Variants in YPEL2 observed in about 807,000 individuals in gnomAD.
YPEL2 encodes the protein yippee like 2.
In YPEL2, 2 loss-of-function variants were observed where a neutral mutation model predicts 19.1. That is an observed-to-expected ratio of 0.10 (90% CI 0.04 to 0.33). The LOEUF (loss-of-function observed/expected upper bound fraction) is 0.33. Ranked by LOEUF, YPEL2 falls within the 10% of genes least tolerant of loss-of-function variation. The pLI is 1.00. For missense variants in YPEL2, 66 were observed against 140.7 expected (o/e 0.47, Z 2.68); for synonymous variants, 52 against 50.0 (o/e 1.04, Z -0.17).
At chr17:59,358,702 C>T (rs2147942584) in intron 2 of YPEL2, among the ~76,000 whole-genome samples, 1 of 152,198 alleles carries the variant, frequency 6.6e-6, no homozygotes, top group South Asian at 2.1e-4. Flanking sequence ...CTCTGCCTCC[C>T]AGGTTCAAGC....
At chr17:59,393,681 C>T (rs1407343216) in intron 4 of YPEL2, among the ~76,000 whole-genome samples, 1 of 146,916 alleles carries the variant, frequency 6.8e-6, no homozygotes, top group East Asian at 2.0e-4. Flanking sequence ...TGTTTGTGTC[C>T]CTGGGTACTT....
rs2048044628 is a variant in YPEL2, at chr17:59,397,283, A to G, written c.*93A>G. ...GAGAGAGTGACTGACACTTGGTTCC[A>G]TCCATTTAGGGGCCTTGCCATCCGG... On this transcript the variant is annotated 3_prime_UTR_variant, in exon 5 of 5. Transcript: ENST00000312655. 8 of 1,050,608 alleles carry G rather than the reference A, an allele frequency of 7.6e-6. No individual in the cohort carries two copies. Among genetic ancestry groups the G allele is most frequent in the Non-Finnish European group, 1.1e-5 (8 of 744,482 alleles). 65.1% of individuals were successfully genotyped at this position (1,050,608 alleles called of 1,614,324 possible). A position where few individuals can be genotyped will look rare whatever the true frequency, so the allele number is the denominator to read the frequency against.
At chr17:59,336,900 T>C (rs2047701246) in intron 1 of YPEL2, among the ~76,000 whole-genome samples, 1 of 152,202 alleles carries the variant, frequency 6.6e-6, no homozygotes, top group East Asian at 1.9e-4. Flanking sequence ...CTGGAAGAAG[T>C]AACAGTTACA....
intron 1 of YPEL2, among the ~76,000 whole-genome samples, chr17:59,332,664 G>T (rs966428886): frequency 6.6e-6 from 1 of 152,194 alleles, no homozygotes; most frequent in Non-Finnish European, 1.5e-5. Flanking sequence ...TTCTTGTCCG[G>T]AAGATTGCTA....
chr17:59,361,624 G>A (rs571635403), intron 2 of YPEL2, among the ~76,000 whole-genome samples: 3 of 152,298 alleles, frequency 2.0e-5, no homozygotes, highest in African/African-American at 7.2e-5. Flanking sequence ...TTATCAGTGA[G>A]TTTCAATCTG....
chr17:59,398,712 T>C lies in YPEL2; in HGVS notation c.*1522T>C, dbSNP rs2048054102. The C allele has an allele frequency of 1.3e-5, 2 of 152,222 alleles. No individual in the cohort carries two copies. Among genetic ancestry groups the C allele is most frequent in the South Asian group, 4.1e-4 (2 of 4,834 alleles). 9.4% of individuals were successfully genotyped at this position (152,222 alleles called of 1,614,324 possible). ...TTCATTTCTTAGACTGAATATATTA[T>C]TGTTAAGATACGTGTGCGTGTTAGG... is the stretch of plus-strand genomic sequence containing the variant. On this transcript the variant is annotated 3_prime_UTR_variant, in exon 5 of 5. Transcript: ENST00000312655.
rs548587672 is a variant in YPEL2 at position 59,378,106 on chromosome 17, C to T, written c.118-10221C>T. Reference sequence around the variant, plus strand: ...TCCAGGCCCTCTCAGGCTCCAAAGCCGGCATCCTTTCCCTTGAACATCAGG... The same window carrying T: ...TCCAGGCCCTCTCAGGCTCCAAAGCTGGCATCCTTTCCCTTGAACATCAGG... On this transcript the variant is annotated intron_variant, in intron 2 of 4. Transcript: ENST00000312655. 5.9e-5 allele frequency among the ~76,000 whole-genome samples: 9 copies of T among 152,146 alleles called. No homozygotes were observed. The South Asian group carries it at 1.2e-3, about 21-fold the overall frequency.
intron 4 of YPEL2, among the ~76,000 whole-genome samples, chr17:59,394,937 A>G (rs1472449938): frequency 1.3e-5 from 2 of 152,162 alleles, no homozygotes; most frequent in African/African-American, 4.8e-5. Context: ...ATAAATACGA[A>G]AACCAGTCAG....
chr17:59,351,961 GT>G (rs1220379397), intron 1 of YPEL2, among the ~76,000 whole-genome samples: 1 of 152,164 alleles, frequency 6.6e-6, no homozygotes, highest in Non-Finnish European at 1.5e-5. Flanking sequence ...CTCAGTGACT[GT>G]TTTGGTGGGA....
intron 3 of YPEL2, among the ~76,000 whole-genome samples, 162 bp downstream of exon 3, chr17:59,388,532 A>G (rs2047992451): frequency 1.3e-5 from 2 of 152,224 alleles, no homozygotes; most frequent in Non-Finnish European, 2.9e-5. Flanking sequence ...CCTTTGGGGA[A>G]CATTTCTTGC....
intron 1 of YPEL2, among the ~76,000 whole-genome samples, chr17:59,352,155 T>C (rs2047790580): frequency 6.6e-6 from 1 of 152,240 alleles, no homozygotes; most frequent in South Asian, 2.1e-4. Context: ...AATTTTTAAT[T>C]TTATCTTCAA....
At chr17:59,351,947 C>A in intron 1 of YPEL2, among the ~76,000 whole-genome samples, 1 of 152,120 alleles carries the variant, frequency 6.6e-6, no homozygotes, top group East Asian at 1.9e-4. Flanking sequence ...AGAAGTATGG[C>A]GGCCTCAGTG....
intron 2 of YPEL2, among the ~76,000 whole-genome samples, chr17:59,384,751 C>G (rs986488750): frequency 2.0e-5 from 3 of 152,228 alleles, no homozygotes; most frequent in Non-Finnish European, 4.4e-5. Context: ...TGGGATACCA[C>G]TGCCCTGGTA....
intron 2 of YPEL2, among the ~76,000 whole-genome samples, chr17:59,386,943 C>T (rs957550753): frequency 6.6e-6 from 1 of 152,082 alleles, no homozygotes; most frequent in East Asian, 1.9e-4. Context: ...TCCAGCTGCC[C>T]CAGAGGCAGT....
In YPEL2 at chr17:59,401,203, G is replaced by A. The variant is rs572044071; in HGVS notation, c.*4013G>A. 4 of 152,102 alleles carry A rather than the reference G, an allele frequency of 2.6e-5. No individual in the cohort carries two copies. Among genetic ancestry groups the A allele is most frequent in the African/African-American group, 9.6e-5 (4 of 41,478 alleles). 9.4% of individuals were successfully genotyped at this position (152,102 alleles called of 1,614,324 possible). A position where few individuals can be genotyped will look rare whatever the true frequency, so the allele number is the denominator to read the frequency against. On this transcript the variant is annotated 3_prime_UTR_variant, in exon 5 of 5. Coordinates refer to ENST00000312655, the MANE Select transcript of YPEL2 (RefSeq NM_001005404.4). The stretch of plus-strand genomic sequence containing the variant: ...CAGATTGCCTCAGGTTTAGAAAGAG[G>A]CTGAGAAATCAAATCTTGAACACAA...
Position 59,400,004 on chromosome 17 carries a change from C to G in YPEL2, c.*2814C>G, listed in dbSNP as rs2048062191. ...AGCTGCCTTCGTTTGGAACTGAAGT[C>G]CAGCCAGCAGACTCTCTAGCTCCAT... On this transcript the variant is annotated 3_prime_UTR_variant, in exon 5 of 5. Coordinates refer to ENST00000312655, the MANE Select transcript of YPEL2 (RefSeq NM_001005404.4). 1 of 152,750 alleles carries G rather than the reference C, an allele frequency of 6.5e-6. No homozygotes were observed. The highest frequency in any genetic ancestry group is 1.5e-5 in the Non-Finnish European group (1 of 68,206). 9.5% of individuals were successfully genotyped at this position (152,750 alleles called of 1,614,324 possible). A position where few individuals can be genotyped will look rare whatever the true frequency, so the allele number is the denominator to read the frequency against.
intron 1 of YPEL2, among the ~76,000 whole-genome samples, chr17:59,332,445 G>A (rs1448404015): frequency 2.0e-5 from 3 of 152,202 alleles, no homozygotes; most frequent in Non-Finnish European, 2.9e-5. Context: ...CTTGCCAAGG[G>A]GGTGGGCGCG....
intron 1 of YPEL2, among the ~76,000 whole-genome samples, chr17:59,335,267 T>C (rs553202922): frequency 6.6e-6 from 1 of 152,314 alleles, no homozygotes; most frequent in Non-Finnish European, 1.5e-5. Context: ...GATATAGCAC[T>C]GGAGAGCTTA....
At chr17:59,366,817 G>A (rs2047872171) in intron 2 of YPEL2, among the ~76,000 whole-genome samples, 2 of 152,324 alleles carry the variant, frequency 1.3e-5, no homozygotes, top group South Asian at 4.1e-4. Flanking sequence ...ACTTCATGGA[G>A]CTTTTTGAAG....
Sources: gnomAD v4.1 joint callset for allele counts (sites outside exome capture counted in the v4.1 genomes callset) on GRCh38, gnomAD v4.1.1 for gene constraint, MANE v1.5 for transcripts, NCBI Gene and HGNC (gene_info 2026-07-23, HGNC 2026-07-21) for gene names.